MTUS2: variants seen among roughly 807,000 people sequenced by gnomAD.
MTUS2 encodes the protein microtubule associated scaffold protein 2.
In MTUS2, 40 loss-of-function variants were observed where a neutral mutation model predicts 114.1. The ratio of observed to expected loss-of-function variants is 0.35; its 90% CI spans 0.27 to 0.46. MTUS2 has a LOEUF of 0.46. Among genes scored for constraint, MTUS2 ranks in the 20% least tolerant of loss-of-function variants. The probability of loss-of-function intolerance (pLI) is 1.00; values close to 1 mark genes in which losing one functional copy is unlikely to be tolerated. For synonymous variants in MTUS2, 688 were observed against 672.0 expected, an observed-to-expected ratio of 1.02 and a Z score of -0.37; for missense variants, 1,679 against 1,705.4, an observed-to-expected ratio of 0.98 and a Z score of 0.27.
At chr13:29,096,941 C>T (rs2138803168) in intron 4 of MTUS2, among the ~76,000 whole-genome samples, 1 of 152,178 alleles carries the variant, frequency 6.6e-6, no homozygotes, top group African/African-American at 2.4e-5. Flanking sequence ...TGGGGTAGTA[C>T]CTCTGTCTTA....
intron 2 of MTUS2, among the ~76,000 whole-genome samples, chr13:28,916,534 T>C (rs1880755951): frequency 6.6e-6 from 1 of 151,778 alleles, no homozygotes; most frequent in Admixed American, 6.6e-5. Context: ...TTTTTAGATG[T>C]TTTATTTTTG....
intron 5 of MTUS2, among the ~76,000 whole-genome samples, chr13:29,216,651 C>G (rs1895694568): frequency 1.3e-5 from 2 of 152,204 alleles, no homozygotes; most frequent in South Asian, 4.1e-4. Flanking sequence ...GGTGAGCTGA[C>G]ACCCCACCCT....
At chr13:29,214,895 G>C (rs1895614232) in intron 5 of MTUS2, among the ~76,000 whole-genome samples, 1 of 152,050 alleles carries the variant, frequency 6.6e-6, no homozygotes, top group South Asian at 2.1e-4. Flanking sequence ...TCCTGAATTT[G>C]AATATTGGCC....
intron 5 of MTUS2, among the ~76,000 whole-genome samples, chr13:29,218,872 A>G (rs58420258): frequency 6.6e-6 from 1 of 152,070 alleles, no homozygotes; most frequent in Non-Finnish European, 1.5e-5. Flanking sequence ...ACGATTTAGC[A>G]TAATTGTTTA....
intron 2 of MTUS2, among the ~76,000 whole-genome samples, chr13:28,895,887 G>T (rs1318072000): frequency 6.6e-6 from 1 of 152,154 alleles, no homozygotes; most frequent in African/African-American, 2.4e-5. Flanking sequence ...CTGTGAGATG[G>T]TGCAGATGTA....
intron 8 of MTUS2, among the ~76,000 whole-genome samples, chr13:29,394,290 C>T (rs1348818980): frequency 1.3e-5 from 2 of 152,094 alleles, no homozygotes; most frequent in African/African-American, 4.8e-5. Context: ...GGCAGACATC[C>T]ATCAATACCT....
rs186785744 is a variant in MTUS2 at position 29,291,733 on chromosome 13, G to A, written c.2806+9868G>A. 3.9e-5 allele frequency among the ~76,000 whole-genome samples: 6 copies of A among 152,252 alleles called. No homozygotes were observed. In the East Asian group the frequency reaches 9.7e-4, roughly 25 times the overall value. ...GGAGACTAAGATCCATGAGGGAGAG[G>A]CCTTCATTTTGTTTCCCAGCTCAGA... On this transcript the variant is annotated intron_variant, in intron 6 of 15. Coordinates refer to ENST00000612955, the MANE Select transcript of MTUS2 (RefSeq NM_001033602.4).
At chr13:28,940,105 GGT>G (rs1036869221) in intron 2 of MTUS2, among the ~76,000 whole-genome samples, 2 of 152,112 alleles carry the variant, frequency 1.3e-5, no homozygotes, top group Non-Finnish European at 2.9e-5. Context: ...ATGAGATTTG[GGT>G]GAGGACACAG....
chr13:29,071,376 T>C (rs141650726), intron 4 of MTUS2, among the ~76,000 whole-genome samples: 1 of 149,684 alleles, frequency 6.7e-6, no homozygotes, highest in Non-Finnish European at 1.5e-5. Context: ...AGGATACTAA[T>C]TAGATTTTTT....
intron 7 of MTUS2, among the ~76,000 whole-genome samples, chr13:29,346,767 C>A (rs186474889): frequency 6.8e-6 from 1 of 146,434 alleles, no homozygotes; most frequent in Non-Finnish European, 1.5e-5. Flanking sequence ...TCCACTGGCA[C>A]CCCTCCCCAA....
chr13:28,914,213 C>G (rs529783124), intron 2 of MTUS2, among the ~76,000 whole-genome samples: 181 of 152,098 alleles, frequency 1.2e-3, no homozygotes, highest in African/African-American at 4.2e-3. Flanking sequence ...GATGTTTCAG[C>G]TTTTCGATAT....
intron 5 of MTUS2, among the ~76,000 whole-genome samples, chr13:29,272,945 G>T (rs1188624616): frequency 6.6e-6 from 1 of 152,196 alleles, no homozygotes; most frequent in Non-Finnish European, 1.5e-5. Flanking sequence ...CTGAGGGGAA[G>T]AACTTTGTGT....
At chr13:29,284,551 AGAT>A (rs1898401494) in intron 6 of MTUS2, among the ~76,000 whole-genome samples, 1 of 152,210 alleles carries the variant, frequency 6.6e-6, no homozygotes, top group Non-Finnish European at 1.5e-5. Context: ...AAATGTTAAA[AGAT>A]AATATCTAAA....
At chr13:29,265,011 CTGCAAATTTTCCAAACTTTTA>C (rs1400493194) in intron 5 of MTUS2, among the ~76,000 whole-genome samples, 1 of 152,234 alleles carries the variant, frequency 6.6e-6, no homozygotes, top group Non-Finnish European at 1.5e-5. Context: ...CATGACCAGG[CTGCAAATTTTCCAAACTTTTA>C]TGCACTGCTT....
At chr13:28,899,697 A>C (rs552965915) in intron 2 of MTUS2, among the ~76,000 whole-genome samples, 1 of 152,102 alleles carries the variant, frequency 6.6e-6, no homozygotes, top group Non-Finnish European at 1.5e-5. Context: ...GGTGTGAGCC[A>C]CCATGCCCAG....
intron 5 of MTUS2, among the ~76,000 whole-genome samples, chr13:29,152,789 C>G (rs939224956): frequency 3.9e-5 from 6 of 152,050 alleles, no homozygotes; most frequent in Non-Finnish European, 7.4e-5. Context: ...CCCATATGTT[C>G]TGTTGTATTC....
intron 2 of MTUS2, among the ~76,000 whole-genome samples, chr13:29,010,165 C>A (rs7986484): frequency 6.7e-6 from 1 of 149,332 alleles, no homozygotes; most frequent in African/African-American, 2.5e-5. Context: ...GAGGTGAGAT[C>A]GCACCACTGC....
chr13:29,197,547 A>G (rs1297947503), intron 5 of MTUS2, among the ~76,000 whole-genome samples: 1 of 152,074 alleles, frequency 6.6e-6, no homozygotes, highest in Non-Finnish European at 1.5e-5. Flanking sequence ...ATGTATCTTT[A>G]TAGTAGAATG....
At chr13:29,107,223 T>C (rs964503450) in intron 5 of MTUS2, among the ~76,000 whole-genome samples, 1 of 152,088 alleles carries the variant, frequency 6.6e-6, no homozygotes, top group Non-Finnish European at 1.5e-5. Flanking sequence ...CTAGTTCTTG[T>C]AGTTATTTGT....
Sources: gnomAD v4.1 joint callset for allele counts (sites outside exome capture counted in the v4.1 genomes callset) on GRCh38, gnomAD v4.1.1 for gene constraint, MANE v1.5 for transcripts, NCBI Gene and HGNC (gene_info 2026-07-23, HGNC 2026-07-21) for gene names.